MOB1B: variants seen among roughly 807,000 people sequenced by gnomAD.
MOB1B encodes MOB kinase activator 1B.
In MOB1B, 19 loss-of-function variants were observed where a neutral mutation model predicts 24.4. That is an observed-to-expected ratio of 0.78 (90% confidence interval 0.54 to 1.14). The LOEUF is 1.14. Among genes scored for constraint, MOB1B ranks in the 50% most tolerant of loss-of-function variants. The probability of loss-of-function intolerance (pLI) is 0.00; values close to 1 mark genes in which losing one functional copy is unlikely to be tolerated. For missense variants in MOB1B, 243 were observed against 259.6 expected, an observed-to-expected ratio of 0.94 and a Z score of 0.44; for synonymous variants, 76 against 82.1, an observed-to-expected ratio of 0.93 and a Z score of 0.40.
intron 1 of MOB1B, among the ~76,000 whole-genome samples, chr4:70,948,635 A>G (rs1393954314): frequency 1.3e-5 from 2 of 152,130 alleles, no homozygotes; most frequent in Non-Finnish European, 2.9e-5. Flanking sequence ...TGTTAGCATT[A>G]GATATATTGT....
chr4:70,911,545 A>G (rs1415727957), intron 1 of MOB1B, among the ~76,000 whole-genome samples: 4 of 152,048 alleles, frequency 2.6e-5, no homozygotes, highest in Non-Finnish European at 4.4e-5. Context: ...GACTGGCTTT[A>G]GTTTACTTTT....
At chr4:70,915,681 CT>C (rs1018637526) in intron 1 of MOB1B, among the ~76,000 whole-genome samples, 16 of 152,008 alleles carry the variant, frequency 1.1e-4, no homozygotes, top group Non-Finnish European at 2.2e-4. Flanking sequence ...TCATCTGCCC[CT>C]GAGAGATGTG....
At chr4:70,976,031 C>G (rs1381217051) in intron 4 of MOB1B, 2 of 259,942 alleles carry the variant, frequency 7.7e-6, no homozygotes, top group East Asian at 1.8e-4. Flanking sequence ...TCCTAAGTAA[C>G]TGGGACTACA....
chr4:70,968,195 A>G (rs1738613697), intron 2 of MOB1B, among the ~76,000 whole-genome samples: 1 of 151,794 alleles, frequency 6.6e-6, no homozygotes, highest in Non-Finnish European at 1.5e-5. Context: ...TCACAAATAT[A>G]TTTTTCTATG....
intron 1 of MOB1B, among the ~76,000 whole-genome samples, chr4:70,935,173 C>T (rs891925911): frequency 1.3e-5 from 2 of 152,068 alleles, no homozygotes; most frequent in African/African-American, 4.8e-5. Flanking sequence ...TAGTCTTGTT[C>T]AGCCTTCAGA....
intron 1 of MOB1B, among the ~76,000 whole-genome samples, chr4:70,917,744 A>C (rs1328923952): frequency 6.6e-6 from 1 of 152,242 alleles, no homozygotes; most frequent in Admixed American, 6.5e-5. Context: ...CATTGAAAAT[A>C]ACAATTTAAT....
At chr4:70,958,719 A>T (rs780839414) in intron 1 of MOB1B, 155 bp from the exon 2 acceptor site, 2 of 834,204 alleles carry the variant, frequency 2.4e-6, no homozygotes, top group African/African-American at 3.3e-5. Flanking sequence ...CAGCAGAGAA[A>T]GTTTGTAGGA....
At chr4:70,966,851 A>T (rs1344106819) in intron 2 of MOB1B, among the ~76,000 whole-genome samples, 1 of 151,638 alleles carries the variant, frequency 6.6e-6, no homozygotes, top group Non-Finnish European at 1.5e-5. Flanking sequence ...CTACTTCAAA[A>T]AAAAAAATAA....
chr4:70,921,170 C>T (rs992983326), intron 1 of MOB1B, among the ~76,000 whole-genome samples: 2 of 152,142 alleles, frequency 1.3e-5, no homozygotes, highest in African/African-American at 4.8e-5. Flanking sequence ...CTGGAGGCTA[C>T]AGTGTTACCT....
At chr4:70,977,024 T>G (rs887376934) in intron 4 of MOB1B, among the ~76,000 whole-genome samples, 17 of 152,024 alleles carry the variant, frequency 1.1e-4, no homozygotes, top group African/African-American at 3.9e-4. Context: ...TCATTCCTTT[T>G]CCTAAACTGT....
chr4:70,902,117 A>AG (rs1735530742), upstream of MOB1B, among the ~76,000 whole-genome samples: 1 of 152,190 alleles, frequency 6.6e-6, no homozygotes, highest in East Asian at 1.9e-4. Context: ...CCGGGTGGAC[A>AG]GGGGGGCCGG....
At chr4:70,940,319 G>C (rs1712146486) in intron 1 of MOB1B, among the ~76,000 whole-genome samples, 1 of 152,134 alleles carries the variant, frequency 6.6e-6, no homozygotes, top group South Asian at 2.1e-4. Flanking sequence ...TGTCTACCCA[G>C]CACTTTTCTG....
chr4:70,961,270 T>C lies in MOB1B; in HGVS notation c.181+2230T>C, dbSNP rs192835838. ...ATTGTGCTTTACTTAACCCTTTTTG[T>C]AATCCTTCACTCTGATAACCAAGGT... On this transcript the variant is annotated intron_variant, in intron 2 of 5. Coordinates refer to ENST00000309395, the MANE Select transcript of MOB1B (RefSeq NM_173468.4). Among the ~76,000 whole-genome samples, 357 of 152,324 alleles carry C rather than the reference T, an allele frequency of 2.3e-3. 4 individuals carry two copies. The highest frequency in any genetic ancestry group is 8.1e-3 in the African/African-American group (337 of 41,574).
chr4:70,961,146 C>A (rs1453650263), intron 2 of MOB1B, among the ~76,000 whole-genome samples: 1 of 152,042 alleles, frequency 6.6e-6, no homozygotes, highest in Non-Finnish European at 1.5e-5. Context: ...TAAAATTAAG[C>A]ACAGCAAGGG....
rs71211985 is a variant in MOB1B at position 70,952,935 on chromosome 4, CTTTTTTTTTTTTTT to C, written c.15-5927_15-5914del. ...AGACTCTGTCATTTTGTCATTTGGT[CTTTTTTTTTTTTTT>C]TTTTTTTTTTTGAGTTGGAGTCTCG... On this transcript the variant is annotated intron_variant, in intron 1 of 5. Coordinates refer to ENST00000309395, the MANE Select transcript of MOB1B (RefSeq NM_173468.4). Among the ~76,000 whole-genome samples, 6 of 72,288 alleles carry C rather than the reference CTTTTTTTTTTTTTT, an allele frequency of 8.3e-5. No individual in the cohort carries two copies. The Admixed American group carries it at 1.0e-3, about 12-fold the overall frequency. 47.4% of individuals were successfully genotyped at this position (72,288 alleles called of 152,430 possible).
intron 1 of MOB1B, among the ~76,000 whole-genome samples, chr4:70,904,215 T>G (rs563298810): frequency 2.8e-4 from 42 of 151,404 alleles, no homozygotes; most frequent in Non-Finnish European, 4.9e-4. Flanking sequence ...AACTCCTGAT[T>G]TCAAGTGATC....
At chr4:70,970,073 T>C in intron 3 of MOB1B, 49 bp downstream of exon 3, 1 of 1,161,194 alleles carries the variant, frequency 8.6e-7, no homozygotes, top group Admixed American at 2.2e-5. Flanking sequence ...TATTTTACGG[T>C]TCTTAAAGAA....
intron 1 of MOB1B, among the ~76,000 whole-genome samples, chr4:70,921,896 C>G (rs562485501): frequency 9.1e-4 from 139 of 152,262 alleles, no homozygotes; most frequent in African/African-American, 3.0e-3. Context: ...GTCTTCAATT[C>G]TCTATCGGGT....
intron 2 of MOB1B, among the ~76,000 whole-genome samples, chr4:70,965,259 T>C (rs1339734408): frequency 1.6e-5 from 2 of 123,140 alleles, no homozygotes; most frequent in Admixed American, 2.1e-4. Flanking sequence ...ATTGCAGCAC[T>C]GCACTCCAGC....
Sources: gnomAD v4.1 joint callset for allele counts (sites outside exome capture counted in the v4.1 genomes callset) on GRCh38, gnomAD v4.1.1 for gene constraint, MANE v1.5 for transcripts, NCBI Gene and HGNC (gene_info 2026-07-23, HGNC 2026-07-21) for gene names.